The following GRID2 variants were observed in gnomAD, a reference collection of about 807,000 sequenced individuals.
GRID2 encodes the protein glutamate ionotropic receptor delta type subunit 2, also known as glutamate receptor ionotropic, delta-2.
GRID2 carries 33 observed loss-of-function variants against 114.8 expected under a neutral mutation model. The ratio of observed to expected loss-of-function variants is 0.29; its 90% CI spans 0.22 to 0.38. The LOEUF is 0.38. Among genes scored for constraint, GRID2 ranks in the 10% least tolerant of loss-of-function variants. The pLI is 1.00. For missense variants in GRID2, 1,184 were observed against 1,257.7 expected (o/e 0.94, Z 0.89); for synonymous variants, 505 against 449.9 (o/e 1.12, Z -1.55).
chr4:92,550,951 G>A (rs970038803), intron 1 of GRID2, among the ~76,000 whole-genome samples: 4 of 152,000 alleles, frequency 2.6e-5, no homozygotes, highest in Non-Finnish European at 5.9e-5. Context: ...GTCATAAATT[G>A]TTTCTCCATA....
At chr4:92,444,473 A>T (rs1441827911) in intron 1 of GRID2, among the ~76,000 whole-genome samples, 1 of 152,092 alleles carries the variant, frequency 6.6e-6, no homozygotes, top group African/African-American at 2.4e-5. Context: ...TCACAAGGTA[A>T]TGTCATCACT....
chr4:93,561,908 G>T (rs1328446337), intron 13 of GRID2, among the ~76,000 whole-genome samples: 1 of 152,090 alleles, frequency 6.6e-6, no homozygotes, highest in Non-Finnish European at 1.5e-5. Flanking sequence ...ATGTACAACA[G>T]TTTATTTATC....
chr4:93,599,499 C>T (rs1250870505), intron 13 of GRID2, among the ~76,000 whole-genome samples: 4 of 152,114 alleles, frequency 2.6e-5, no homozygotes, highest in Admixed American at 6.6e-5. Context: ...GTAATTTTCT[C>T]CTAAGTAAAT....
chr4:93,652,892 T>C (rs1288590154), intron 14 of GRID2, among the ~76,000 whole-genome samples: 1 of 151,002 alleles, frequency 6.6e-6, no homozygotes, highest in Non-Finnish European at 1.5e-5. Context: ...CAAATGAGCC[T>C]GGGAAGATAC....
At chr4:92,747,770 T>TTA (rs1737226343) in intron 2 of GRID2, among the ~76,000 whole-genome samples, 1 of 152,148 alleles carries the variant, frequency 6.6e-6, no homozygotes, top group East Asian at 1.9e-4. Context: ...TTCAATAATA[T>TTA]TTATTATTAA....
intron 1 of GRID2, among the ~76,000 whole-genome samples, chr4:92,422,426 T>A: frequency 6.6e-6 from 1 of 152,150 alleles, no homozygotes; most frequent in Non-Finnish European, 1.5e-5. Flanking sequence ...ATTTTATTTT[T>A]GTGGGAGACC....
intron 2 of GRID2, among the ~76,000 whole-genome samples, chr4:92,856,769 C>T (rs571052007): frequency 1.1e-4 from 17 of 152,240 alleles, no homozygotes; most frequent in African/African-American, 3.9e-4. Context: ...GTTTTATGTA[C>T]GGACATTGTT....
intron 14 of GRID2, among the ~76,000 whole-genome samples, chr4:93,755,655 C>A (rs1732681452): frequency 6.6e-6 from 1 of 152,048 alleles, no homozygotes. Flanking sequence ...TTTATATTAA[C>A]CTAAAAATAA....
intron 14 of GRID2, among the ~76,000 whole-genome samples, chr4:93,767,190 T>C (rs1205870904): frequency 1.2e-4 from 18 of 152,172 alleles, no homozygotes; most frequent in Non-Finnish European, 2.2e-4. Context: ...ATCATGCCGT[T>C]TTCTTTTCTG....
chr4:93,205,777 G>C (rs1742680310), intron 4 of GRID2, among the ~76,000 whole-genome samples: 1 of 152,030 alleles, frequency 6.6e-6, no homozygotes, highest in Non-Finnish European at 1.5e-5. Flanking sequence ...CCCACCAACA[G>C]TGTAAAAGTG....
chr4:93,200,344 A>G (rs996413766), intron 4 of GRID2, among the ~76,000 whole-genome samples: 1 of 152,282 alleles, frequency 6.6e-6, no homozygotes, highest in African/African-American at 2.4e-5. Context: ...AGGCGGGCGG[A>G]TCACGAGGTC....
chr4:93,633,479 C>T (rs1721129037), intron 14 of GRID2, among the ~76,000 whole-genome samples: 1 of 152,012 alleles, frequency 6.6e-6, no homozygotes, highest in African/African-American at 2.4e-5. Flanking sequence ...CTCTAGTGCC[C>T]ACTTTCTTGT....
At chr4:93,285,074 C>T (rs995862372) in intron 8 of GRID2, among the ~76,000 whole-genome samples, 15 of 151,966 alleles carry the variant, frequency 9.9e-5, no homozygotes, top group African/African-American at 3.4e-4. Context: ...ATATACTATA[C>T]CAGCAATCAC....
chr4:92,673,909 G>T (rs1733198078), intron 2 of GRID2, among the ~76,000 whole-genome samples: 1 of 151,898 alleles, frequency 6.6e-6, no homozygotes, highest in Admixed American at 6.6e-5. Flanking sequence ...CACCAACATG[G>T]CACATGTATA....
chr4:92,556,195 G>T (rs1017503516), intron 1 of GRID2, among the ~76,000 whole-genome samples: 3 of 151,974 alleles, frequency 2.0e-5, no homozygotes, highest in African/African-American at 7.2e-5. Flanking sequence ...ATAACAAAAG[G>T]CAAAGGAAAA....
At chr4:92,640,251 A>G (rs995951901) in intron 2 of GRID2, among the ~76,000 whole-genome samples, 1 of 151,834 alleles carries the variant, frequency 6.6e-6, no homozygotes, top group Non-Finnish European at 1.5e-5. Flanking sequence ...CACATGTGGT[A>G]TGCCACCTTT....
At chr4:93,271,056 T>A (rs1434361272) in intron 8 of GRID2, among the ~76,000 whole-genome samples, 1 of 152,210 alleles carries the variant, frequency 6.6e-6, no homozygotes, top group Non-Finnish European at 1.5e-5. Context: ...TGAGGCTACA[T>A]TATATGATTT....
In GRID2 at chr4:92,571,086, G is replaced by C. The variant is rs113365740; in HGVS notation, c.89-19045G>C. On this transcript the variant is annotated intron_variant, in intron 1 of 15. Transcript: ENST00000282020. ...CAGTATGATATTGGCTGTGGGTATA[G>C]CATATATGGCTGTTATTATTTTGAG... Among the ~76,000 whole-genome samples the C allele has an allele frequency of 1.7e-4, 26 of 151,980 alleles. No individual in the cohort carries two copies. The East Asian group carries it at 4.8e-3, about 28-fold the overall frequency.
chr4:92,533,714 G>A (rs1042073209), intron 1 of GRID2, among the ~76,000 whole-genome samples: 2 of 152,058 alleles, frequency 1.3e-5, no homozygotes, highest in African/African-American at 2.4e-5. Context: ...AAACAATATG[G>A]TAGTGTTGCC....
Sources: gnomAD v4.1 joint callset for allele counts (sites outside exome capture counted in the v4.1 genomes callset) on GRCh38, gnomAD v4.1.1 for gene constraint, MANE v1.5 for transcripts, NCBI Gene and HGNC (gene_info 2026-07-23, HGNC 2026-07-21) for gene names.